Variants in RASA3 observed in about 807,000 individuals in gnomAD.
RASA3 encodes ras GTPase-activating protein 3.
RASA3 carries 73 observed loss-of-function variants against 110.0 expected under a neutral mutation model. The ratio of observed to expected loss-of-function variants is 0.66; its 90% CI spans 0.55 to 0.81. RASA3 has a LOEUF of 0.81. RASA3 is among the 30% of genes least tolerant of loss of function. The pLI, the probability that RASA3 is intolerant of heterozygous loss-of-function variation, is 0.00. For synonymous variants in RASA3, 500 were observed against 451.4 expected (o/e 1.11, Z -1.37); for missense variants, 976 against 1,113.2 (o/e 0.88, Z 1.75).
intron 14 of RASA3, among the ~76,000 whole-genome samples, chr13:114,013,580 C>G (rs1471182820): frequency 4.8e-5 from 4 of 84,054 alleles, no homozygotes; most frequent in Admixed American, 1.1e-4. Context: ...ATCTCTGTCT[C>G]TCTCTCTCTC....
chr13:114,108,230 CGTCT>C (rs2080161631), intron 1 of RASA3, among the ~76,000 whole-genome samples: 1 of 114,692 alleles, frequency 8.7e-6, no homozygotes, highest in Non-Finnish European at 2.0e-5. Context: ...TGTCACCCCG[CGTCT>C]GTCACCCCAT....
In RASA3 at chr13:114,065,803, C is replaced by T. The variant is rs1010532846; in HGVS notation, c.173+7917G>A. On this transcript the variant is annotated intron_variant, in intron 2 of 23. Transcript: ENST00000334062. The surrounding 1 kb of genome is among the most constrained non-coding windows in gnomAD (Gnocchi z 4.1). ...CACCACCCAGCACGGCAGGTCTCAG[C>T]GGAAGCCCCACACACACTGGGTTGC... Among the ~76,000 whole-genome samples the T allele has an allele frequency of 2.6e-5, 4 of 152,212 alleles. No homozygotes were observed. Among genetic ancestry groups the T allele is most frequent in the Admixed American group, 2.6e-4 (4 of 15,282 alleles).
intron 2 of RASA3, among the ~76,000 whole-genome samples, chr13:114,061,762 G>A (rs551022137): frequency 5.3e-5 from 8 of 152,138 alleles, no homozygotes; most frequent in Middle Eastern, 3.4e-3. Context: ...ATCCTTAAGC[G>A]AACTGCTCAT....
chr13:114,018,396 C>T (rs564658834), intron 10 of RASA3, 144 bp from the exon 11 acceptor site: 55 of 1,183,150 alleles, frequency 4.6e-5, no homozygotes, highest in Non-Finnish European at 6.3e-5. Context: ...ACAAAAACAC[C>T]AAACTTCCCA....
chr13:114,070,316 T>C (rs1420624128), intron 2 of RASA3, among the ~76,000 whole-genome samples: 2 of 151,776 alleles, frequency 1.3e-5, no homozygotes, highest in African/African-American at 4.8e-5. Context: ...AGGACTAAAC[T>C]CCCCAGCATG....
chr13:114,045,181 A>ATTC (rs1334445587), intron 3 of RASA3, among the ~76,000 whole-genome samples: 197 of 152,288 alleles, frequency 1.3e-3, no homozygotes, highest in African/African-American at 4.5e-3. Context: ...GACCTGAGAG[A>ATTC]ATGCCTGATC....
intron 18 of RASA3, among the ~76,000 whole-genome samples, chr13:114,004,248 A>G (rs1461914865): frequency 7.9e-6 from 1 of 126,894 alleles, no homozygotes; most frequent in African/African-American, 2.5e-5. Context: ...CAGCTTCTGC[A>G]CAGCAAAATA....
chr13:114,013,978 ATCTC>A (rs1249706791), intron 14 of RASA3, among the ~76,000 whole-genome samples: 22 of 41,756 alleles, frequency 5.3e-4, no homozygotes, highest in Non-Finnish European at 8.9e-4. Context: ...CTCCGTCTCG[ATCTC>A]TCTCTCCATC....
chr13:114,091,955 A>C (rs906187926), intron 1 of RASA3, among the ~76,000 whole-genome samples: 7 of 151,880 alleles, frequency 4.6e-5, no homozygotes, highest in Non-Finnish European at 1.0e-4. Context: ...TTTCTAATGT[A>C]TTGGTGTATA....
chr13:114,030,015 C>T (rs1210408218), intron 4 of RASA3, 128 bp from the exon 5 acceptor site: 1 of 776,856 alleles, frequency 1.3e-6, no homozygotes, highest in South Asian at 1.5e-5. Context: ...GGCCAATGGG[C>T]ACGTCCAGCC....
chr13:114,040,967 C>A, intron 4 of RASA3, 33 bp downstream of exon 4: 2 of 1,606,200 alleles, frequency 1.2e-6, no homozygotes, highest in South Asian at 1.1e-5. Context: ...TGTCCCAGGG[C>A]TCTGGTTTCC....
Position 114,056,526 on chromosome 13 carries a change from G to T in RASA3, c.174-4371C>A. 1.0e-6 allele frequency: 1 copy of T among 985,174 alleles called. No individual in the cohort carries two copies. The highest frequency in any genetic ancestry group is 1.2e-6 in the Non-Finnish European group (1 of 829,906). The allele number at this position is 985,174 out of a possible 1,614,324, so 61.0% of individuals were successfully genotyped here. The stretch of plus-strand genomic sequence containing the variant: ...CTGCCCGGTAGCGGGGTGTTCAGTT[G>T]CTCTGCCAAAGGCTCTGCACAAGTG... On this transcript the variant is annotated intron_variant, in intron 2 of 23. Transcript: ENST00000334062. This position sits in a 1 kb window ranked among gnomAD's most constrained non-coding sequence, Gnocchi z 5.7.
chr13:114,046,859 G>A (rs371397540), intron 3 of RASA3, among the ~76,000 whole-genome samples: 19 of 152,232 alleles, frequency 1.2e-4, no homozygotes, highest in Non-Finnish European at 2.2e-4. Flanking sequence ...CAAGGGTGCC[G>A]GAACAAAGGG....
chr13:114,004,057 T>C (rs1395935772), intron 18 of RASA3, among the ~76,000 whole-genome samples: 1 of 152,226 alleles, frequency 6.6e-6, no homozygotes, highest in Non-Finnish European at 1.5e-5. Context: ...AATGTGTGTA[T>C]TGCAAATGTT....
intron 3 of RASA3, among the ~76,000 whole-genome samples, chr13:114,041,884 CGGA>C (rs2054417020): frequency 6.6e-6 from 1 of 152,004 alleles, no homozygotes; most frequent in African/African-American, 2.4e-5. Context: ...CTTCTCCAGA[CGGA>C]GGAGAACAGA....
intron 1 of RASA3, among the ~76,000 whole-genome samples, chr13:114,083,374 T>A (rs920704569): frequency 6.6e-6 from 1 of 152,222 alleles, no homozygotes; most frequent in Non-Finnish European, 1.5e-5. Flanking sequence ...CCTGGCCGAT[T>A]TCAAGCGACC....
rs1179482173 is a variant in RASA3, at chr13:114,013,890, CTCTT to C, written c.1406-646_1406-643del. Among the ~76,000 whole-genome samples the C allele has an allele frequency of 1.7e-3, 83 of 47,694 alleles. 9 individuals are homozygous for C. Among genetic ancestry groups the C allele is most frequent in the African/African-American group, 0.011 (79 of 7,522 alleles). The allele number at this position is 47,694 out of a possible 152,430, so 31.3% of individuals were successfully genotyped here. A position where few individuals can be genotyped will look rare whatever the true frequency, so the allele number is the denominator to read the frequency against. On this transcript the variant is annotated intron_variant, in intron 14 of 23. Coordinates refer to ENST00000334062, the MANE Select transcript of RASA3 (RefSeq NM_007368.4). ...TGTCTCTCTCCCTATCTCTGTCTCT[CTCTT>C]TTTCTCTCTTTCTCTGTCTCTCTCT...
rs2079277714 is a variant in RASA3, at chr13:114,058,234, A to T, written c.174-6079T>A. 2.0e-5 allele frequency among the ~76,000 whole-genome samples: 3 copies of T among 151,842 alleles called. No individual in the cohort carries two copies. The South Asian group carries it at 6.2e-4, about 32-fold the overall frequency. On this transcript the variant is annotated intron_variant, in intron 2 of 23. Coordinates refer to ENST00000334062, the MANE Select transcript of RASA3 (RefSeq NM_007368.4). Reference sequence around the variant, plus strand: ...AGACCCCCGAGATGCCATGAGCCCCATGGAGACCACCCACCCGGCAGGGGC... The same window carrying T: ...AGACCCCCGAGATGCCATGAGCCCCTTGGAGACCACCCACCCGGCAGGGGC...
At chr13:114,051,451 C>G (rs907434624) in intron 3 of RASA3, among the ~76,000 whole-genome samples, 8 of 152,256 alleles carry the variant, frequency 5.3e-5, no homozygotes, top group Non-Finnish European at 1.2e-4. Flanking sequence ...CCCGAGTAAC[C>G]TGAAGTCCAC....
Sources: gnomAD v4.1 joint callset for allele counts (sites outside exome capture counted in the v4.1 genomes callset) on GRCh38, gnomAD v4.1.1 for gene constraint, Gnocchi (gnomAD v3.1) non-coding constraint, MANE v1.5 for transcripts, NCBI Gene and HGNC (gene_info 2026-07-23, HGNC 2026-07-21) for gene names.